ALG13: variants seen among roughly 807,000 people sequenced by gnomAD.
ALG13 encodes the protein ALG13 UDP-N-acetylglucosaminyltransferase subunit.
Under a neutral mutation model 87.8 loss-of-function variants are expected in ALG13, and 11 were observed. The ratio of observed to expected loss-of-function variants is 0.13; its 90% CI spans 0.08 to 0.21. ALG13 has a LOEUF of 0.21. ALG13 is among the 10% of genes least tolerant of loss of function. The probability of loss-of-function intolerance (pLI) is 1.00; values close to 1 mark genes in which losing one functional copy is unlikely to be tolerated. For synonymous variants in ALG13, 320 were observed against 306.3 expected (o/e 1.04, Z -0.47); for missense variants, 756 against 866.1 (o/e 0.87, Z 1.60).
intron 23 of ALG13, among the ~76,000 whole-genome samples, chrX:111,738,803 C>T (rs1245556599): frequency 9.7e-6 from 1 of 103,236 alleles, no homozygotes; most frequent in Admixed American, 1.1e-4. Flanking sequence ...TCCCAAAGTG[C>T]TGGGATTACA....
At chrX:111,750,349 C>T (rs1299106948) in intron 24 of ALG13, among the ~76,000 whole-genome samples, 1 of 111,740 alleles carries the variant, frequency 8.9e-6, no homozygotes, top group East Asian at 2.8e-4. Context: ...AACTTTTTTT[C>T]TCTAAGCATA....
intron 5 of ALG13, chrX:111,710,998 G>C (rs1048514340): frequency 8.9e-6 from 1 of 112,546 alleles, no homozygotes; most frequent in African/African-American, 3.2e-5. Context: ...CACCCAGCCT[G>C]TATGTCATTT....
intron 3 of ALG13, among the ~76,000 whole-genome samples, chrX:111,692,181 C>T (rs1276302140): frequency 1.8e-5 from 2 of 111,965 alleles, no homozygotes; most frequent in African/African-American, 3.2e-5. Context: ...TTCTTCTAGC[C>T]TTTAACTCTG....
At chrX:111,713,699 CT>C (rs1940151920) in intron 8 of ALG13, among the ~76,000 whole-genome samples, 1 of 111,932 alleles carries the variant, frequency 8.9e-6, no homozygotes, top group South Asian at 3.7e-4. Flanking sequence ...CCCAATGCCC[CT>C]GGAGTCATTT....
At position 111,760,180 on chromosome X, in the gene ALG13, G is replaced by C. The variant is rs1288373328; in HGVS notation, c.*181G>C. ...TTAAAATTAAGGGGTATTATTTTGG[G>C]CTGTGACTAAGGAAATTGAGATGGA... On this transcript the variant is annotated 3_prime_UTR_variant, in exon 27 of 27. Transcript: ENST00000394780. The C allele has an allele frequency of 3.9e-6, 2 of 513,425 alleles. No individual in the cohort carries two copies. The highest frequency in any genetic ancestry group is 9.2e-5 in the Admixed American group (2 of 21,721). The allele number at this position is 513,425 out of a possible 1,213,427, so 42.3% of individuals were successfully genotyped here.
At chrX:111,684,938 T>G in intron 2 of ALG13, 27 bp from the exon 3 acceptor site, 2 of 1,178,716 alleles carry the variant, frequency 1.7e-6, no homozygotes, top group Non-Finnish European at 2.3e-6. Flanking sequence ...TCAAATTGTG[T>G]TGAACAAATT....
chrX:111,699,640 A>T (rs1192983400), intron 3 of ALG13, among the ~76,000 whole-genome samples: 1 of 111,883 alleles, frequency 8.9e-6, no homozygotes, highest in African/African-American at 3.2e-5. Flanking sequence ...TATTGACAAG[A>T]CTGTCTTTTC....
rs1257535553 is a variant in ALG13, at chrX:111,720,135, C to T, written c.1291C>T (p.Pro431Ser). The T allele has an allele frequency of 8.4e-7, 1 of 1,192,623 alleles. No homozygotes were observed. The highest frequency in any genetic ancestry group is 1.1e-6 in the Non-Finnish European group (1 of 885,252). ...WGACYNAENI[P>S]EGYNKGTEET... Reference sequence around the variant, plus strand: ...TGCCTGCTACAATGCTGAAAATATACCAGAGGGCTACAATAAAGGAACAGA... The same window carrying T: ...TGCCTGCTACAATGCTGAAAATATATCAGAGGGCTACAATAAAGGAACAGA... Residue 431 changes from proline (P) to serine (S), a missense_variant, in exon 11 of 27, where the codon CCA (proline) becomes TCA (serine). This residue lies in a region of ALG13 where 48 missense variants were observed against 50.5 expected (regional missense o/e 0.95). Transcript: ENST00000394780.
chrX:111,721,736 T>G, intron 12 of ALG13, 25 bp downstream of exon 12: 5 of 1,022,500 alleles, frequency 4.9e-6, no homozygotes, highest in Non-Finnish European at 6.8e-6. Flanking sequence ...ACAGGATACT[T>G]TTGAATCCTG....
rs1311978630 is a variant in ALG13, at chrX:111,718,247, C to A, written c.1223C>A (p.Thr408Asn). Residue 408 changes from threonine to asparagine, a missense_variant, in exon 10 of 27, where the codon ACT becomes AAT. This residue lies in a region of ALG13 where 48 missense variants were observed against 50.5 expected (regional missense o/e 0.95). Transcript: ENST00000394780. ...GTAACTGGAAGCGAGGATGCCCATA[C>A]TGATTACAAGAGTTCAAATCAGAAT... is the stretch of plus-strand genomic sequence containing the variant. ...NAVTGSEDAH[T>N]DYKSSNQNRM... 1.7e-6 allele frequency: 2 copies of A among 1,192,920 alleles called. No homozygotes were observed. The highest frequency in any genetic ancestry group is 1.9e-5 in the South Asian group (1 of 53,923).
chrX:111,689,867 T>G, intron 3 of ALG13: 1 of 753,823 alleles, frequency 1.3e-6, no homozygotes, highest in Non-Finnish European at 1.6e-6. Flanking sequence ...AGGTTTTGTT[T>G]GTTTATTTAT....
chrX:111,734,980 T>C (rs1943093503), intron 21 of ALG13, 71 bp from the exon 22 acceptor site: 1 of 750,273 alleles, frequency 1.3e-6, no homozygotes, highest in Admixed American at 2.7e-5. Context: ...TCATATAGTT[T>C]TAAAATATGT....
At chrX:111,702,537 A>C (rs1346769969) in intron 3 of ALG13, among the ~76,000 whole-genome samples, 1 of 111,624 alleles carries the variant, frequency 9.0e-6, no homozygotes, top group South Asian at 3.7e-4. Flanking sequence ...AGAAGTGTAC[A>C]TCTCTCATTA....
At position 111,686,019 on chromosome X, in the gene ALG13, A is replaced by G. The variant is rs1487123390; in HGVS notation, c.383+916A>G. The stretch of plus-strand genomic sequence containing the variant: ...ATGTTTATTGAGAAGCCATTGAAGT[A>G]TTTTAAGCAGAGAAATTATGGTAAG... On this transcript the variant is annotated intron_variant, in intron 3 of 26. Transcript: ENST00000394780. The G allele has an allele frequency of 1.6e-5, 7 of 433,969 alleles. No individual in the cohort carries two copies. The East Asian group carries it at 3.3e-4, about 21-fold the overall frequency. The allele number at this position is 433,969 out of a possible 1,213,427, so 35.8% of individuals were successfully genotyped here. A position where few individuals can be genotyped will look rare whatever the true frequency, so the allele number is the denominator to read the frequency against.
intron 3 of ALG13, among the ~76,000 whole-genome samples, chrX:111,707,401 C>T (rs1938974324): frequency 8.9e-6 from 1 of 111,744 alleles, no homozygotes; most frequent in Admixed American, 9.5e-5. Context: ...TAAAGTTTCC[C>T]TAGCATGGCT....
In ALG13 at chrX:111,736,808, G is replaced by C. The variant is rs757522953; in HGVS notation, c.2624G>C (p.Ser875Thr). Residue 875 changes from serine to threonine, a missense_variant, in exon 23 of 27, where the codon AGT becomes ACT. Physicochemically the swap from Ser to Thr is moderately conservative, Grantham distance 58 (BLOSUM62 1). Around this residue, in one of 9 missense-constraint regions of ALG13, gnomAD observed 362 missense variants for 383.5 expected, o/e 0.94. Transcript: ENST00000394780. ...SNGAAANQAI[S>T]TTSVSSQNAI... ...GGTGCAGCGGCTAATCAAGCTATTA[G>C]TACCACTTCAGTTTCCTCACAGAAT... The C allele has an allele frequency of 5.0e-5, 60 of 1,208,645 alleles. No homozygotes were observed. The highest frequency in any genetic ancestry group is 6.6e-5 in the Non-Finnish European group (59 of 894,408).
At chrX:111,718,321 T>C in intron 10 of ALG13, 47 bp downstream of exon 10, 1 of 1,081,255 alleles carries the variant, frequency 9.2e-7, no homozygotes, top group Non-Finnish European at 1.2e-6. Context: ...TTCATACTTC[T>C]GTGCATAATC....
chrX:111,687,447 T>G (rs1204571983), intron 3 of ALG13, among the ~76,000 whole-genome samples: 1 of 112,434 alleles, frequency 8.9e-6, no homozygotes. Flanking sequence ...AGTAAATTAC[T>G]GGCAAAGATT....
chrX:111,718,446 C>T (rs1329064746), intron 10 of ALG13, among the ~76,000 whole-genome samples, 172 bp downstream of exon 10: 6 of 111,137 alleles, frequency 5.4e-5, no homozygotes, highest in Non-Finnish European at 1.1e-4. Flanking sequence ...AGAGATGTGT[C>T]GTGAGATGCC....
Sources: allele counts gnomAD v4.1 joint callset (sites outside exome capture counted in the v4.1 genomes callset), GRCh38; gene constraint gnomAD v4.1.1; regional missense constraint gnomAD v4.1.1; transcripts MANE v1.5; gene names NCBI Gene and HGNC (gene_info 2026-07-23, HGNC 2026-07-21).